The following OPRM1 variants were observed in gnomAD, a reference collection of about 807,000 sequenced individuals.
OPRM1 encodes the protein mu-type opioid receptor.
In OPRM1, 27 loss-of-function variants were observed where a neutral mutation model predicts 31.8. The observed-to-expected ratio is 0.85, with a 90% CI of 0.63 to 1.17. OPRM1 has a LOEUF of 1.17. Among genes scored for constraint, OPRM1 ranks in the 50% most tolerant of loss-of-function variants. The probability of loss-of-function intolerance (pLI) is 0.00; values close to 1 mark genes in which losing one functional copy is unlikely to be tolerated. For synonymous variants in OPRM1, 196 were observed against 189.9 expected, an observed-to-expected ratio of 1.03 and a Z score of -0.26; for missense variants, 536 against 511.1, an observed-to-expected ratio of 1.05 and a Z score of -0.47.
At chr6:154,196,794 T>C (rs1225042835) in intron 3 of OPRM1, among the ~76,000 whole-genome samples, 1 of 152,232 alleles carries the variant, frequency 6.6e-6, no homozygotes, top group Non-Finnish European at 1.5e-5. Context: ...CTCTGGAACC[T>C]GGAACTCTCA....
intron 3 of OPRM1, among the ~76,000 whole-genome samples, chr6:154,220,454 C>T (rs936107536): frequency 3.3e-5 from 5 of 152,040 alleles, no homozygotes; most frequent in African/African-American, 7.2e-5. Flanking sequence ...GTCAGGAGTT[C>T]GAGACCAGCC....
rs1467845288 is a variant in OPRM1, at chr6:154,125,026, A to G, written c.*6305A>G. On this transcript the variant is annotated 3_prime_UTR_variant, in exon 4 of 4. Coordinates refer to ENST00000330432, the MANE Select transcript of OPRM1 (RefSeq NM_000914.5). Reference sequence around the variant, plus strand: ...GCCACAGCCAAGCACAAGCAGCTACATTAGACAGTTTTACAGCTCTGTATT... The same window carrying G: ...GCCACAGCCAAGCACAAGCAGCTACGTTAGACAGTTTTACAGCTCTGTATT... Among the ~76,000 whole-genome samples, 1 of 152,072 alleles carries G rather than the reference A, an allele frequency of 6.6e-6. No individual in the cohort carries two copies. Among genetic ancestry groups the G allele is most frequent in the Non-Finnish European group, 1.5e-5 (1 of 68,034 alleles).
intron 3 of OPRM1, among the ~76,000 whole-genome samples, chr6:154,166,132 T>C (rs1799404149): frequency 6.6e-6 from 1 of 152,248 alleles, no homozygotes; most frequent in African/African-American, 2.4e-5. Context: ...TAAATGCTGA[T>C]TGTTTGGAGT....
chr6:154,172,510 C>A (rs1183083382), intron 3 of OPRM1, among the ~76,000 whole-genome samples: 2 of 152,232 alleles, frequency 1.3e-5, no homozygotes, highest in African/African-American at 4.8e-5. Flanking sequence ...CTCGGTGGGT[C>A]CCACACCCAT....
At chr6:154,134,541 T>G (rs917035746), downstream of OPRM1, among the ~76,000 whole-genome samples, 6 of 151,962 alleles carry the variant, frequency 3.9e-5, no homozygotes, top group African/African-American at 1.2e-4. Context: ...CTCCCTCTAA[T>G]CCCCAGGCCG....
chr6:154,129,301 A>G lies in OPRM1; in HGVS notation c.*10580A>G, dbSNP rs1477515783. Among the ~76,000 whole-genome samples, 1 of 152,242 alleles carries G rather than the reference A, an allele frequency of 6.6e-6. No individual in the cohort carries two copies. The highest frequency in any genetic ancestry group is 1.5e-5 in the Non-Finnish European group (1 of 68,040). ...ATAGAGAACAGAACAATGTTCTTCT[A>G]TACAATGTAAGGAATCTATGAATAA... On this transcript the variant is annotated 3_prime_UTR_variant, in exon 4 of 4. Transcript: ENST00000330432.
intron 1 of OPRM1, among the ~76,000 whole-genome samples, chr6:154,053,244 G>C (rs1782550241): frequency 1.3e-5 from 2 of 152,126 alleles, no homozygotes; most frequent in African/African-American, 4.8e-5. Context: ...AAGCTTTCAG[G>C]AAAAATGGAA....
chr6:154,030,660 G>A (rs1019285552), intron 1 of OPRM1, among the ~76,000 whole-genome samples: 1 of 152,114 alleles, frequency 6.6e-6, no homozygotes, highest in African/African-American at 2.4e-5. Flanking sequence ...AAAGTACAGA[G>A]AGATTAGAGA....
At position 154,119,001 on chromosome 6, in the gene OPRM1, G is replaced by A; in HGVS notation, c.*280G>A. On this transcript the variant is annotated 3_prime_UTR_variant, in exon 4 of 4. Transcript: ENST00000330432. ...AACCCATCGTGGTATGTGAATTGAAGTCATCATAAAAGGTGACCCTTCTGT... is the reference window on the plus strand; with the variant it reads ...AACCCATCGTGGTATGTGAATTGAAATCATCATAAAAGGTGACCCTTCTGT... 8.5e-7 allele frequency: 1 copy of A among 1,180,248 alleles called. No individual in the cohort carries two copies. Among genetic ancestry groups the A allele is most frequent in the Non-Finnish European group, 1.0e-6 (1 of 953,544 alleles). The allele number at this position is 1,180,248 out of a possible 1,614,324, so 73.1% of individuals were successfully genotyped here.
intron 3 of OPRM1, among the ~76,000 whole-genome samples, chr6:154,145,490 A>T (rs9384181): frequency 0.12 from 18,061 of 152,320 alleles, 1,274 homozygotes; most frequent in South Asian, 0.23. Flanking sequence ...CACTGATGAC[A>T]GAAATCAAAG....
chr6:154,089,703 C>A, intron 1 of OPRM1, 123 bp from the exon 2 acceptor site: 1 of 658,626 alleles, frequency 1.5e-6, no homozygotes, highest in Non-Finnish European at 2.6e-6. Context: ...TACTGGAAAA[C>A]AATTCTATAT....
intron 3 of OPRM1, among the ~76,000 whole-genome samples, chr6:154,152,636 C>T (rs532044825): frequency 1.3e-5 from 2 of 152,198 alleles, no homozygotes; most frequent in East Asian, 3.9e-4. Context: ...TTTTTTAATG[C>T]TTTGTCTTTA....
intron 1 of OPRM1, among the ~76,000 whole-genome samples, chr6:154,079,952 C>T (rs1396158803): frequency 6.6e-6 from 1 of 152,136 alleles, no homozygotes; most frequent in Non-Finnish European, 1.5e-5. Context: ...AGGCCGCATA[C>T]TTTAGGAATG....
intron 1 of OPRM1, among the ~76,000 whole-genome samples, chr6:154,054,421 A>T (rs947868876): frequency 6.6e-6 from 1 of 151,592 alleles, no homozygotes; most frequent in East Asian, 1.9e-4. Context: ...TTGAATCAGA[A>T]TCTCCAGGGG....
rs1797664137 is a variant in OPRM1 at position 154,127,574 on chromosome 6, C to G, written c.*8853C>G. ...GGTCCACACCACCAATTGAGATGTA[C>G]CTGTGCTCATGACTTGACATTGTGG... On this transcript the variant is annotated 3_prime_UTR_variant, in exon 4 of 4. Coordinates refer to ENST00000330432, the MANE Select transcript of OPRM1 (RefSeq NM_000914.5). Among the ~76,000 whole-genome samples, 2 of 152,300 alleles carry G rather than the reference C, an allele frequency of 1.3e-5. No individual in the cohort carries two copies. The highest frequency in any genetic ancestry group is 4.1e-4 in the South Asian group (2 of 4,826).
chr6:154,098,693 G>T (rs1047130696), intron 3 of OPRM1, among the ~76,000 whole-genome samples: 34 of 152,124 alleles, frequency 2.2e-4, no homozygotes, highest in Non-Finnish European at 1.0e-4. Context: ...ATGTCATTCT[G>T]ATCACTATAT....
At chr6:154,182,109 C>A (rs1471570361) in intron 3 of OPRM1, among the ~76,000 whole-genome samples, 1 of 152,040 alleles carries the variant, frequency 6.6e-6, no homozygotes, top group African/African-American at 2.4e-5. Context: ...AGAAACTGAA[C>A]ATATTAAGAG....
intron 3 of OPRM1, among the ~76,000 whole-genome samples, chr6:154,186,133 T>C (rs540768718): frequency 6.6e-6 from 1 of 152,350 alleles, no homozygotes; most frequent in African/African-American, 2.4e-5. Flanking sequence ...ATTATCCATT[T>C]TAAATCTCCA....
At chr6:154,167,948 T>C in intron 3 of OPRM1, 1 of 1,599,578 alleles carries the variant, frequency 6.3e-7, no homozygotes, top group Non-Finnish European at 8.6e-7. Context: ...TGTTCGGATT[T>C]TGTGGAGTTT....
Sources: allele counts gnomAD v4.1 joint callset (sites outside exome capture counted in the v4.1 genomes callset), GRCh38; gene constraint gnomAD v4.1.1; transcripts MANE v1.5; gene names NCBI Gene and HGNC (gene_info 2026-07-23, HGNC 2026-07-21).